The following NLRP2 variants were observed in gnomAD, a reference collection of about 807,000 sequenced individuals.
NLRP2 encodes the protein NLR family pyrin domain containing 2.
In NLRP2, 107 loss-of-function variants were observed where a neutral mutation model predicts 97.2. That is an observed-to-expected ratio of 1.10 (90% CI 0.94 to 1.29). NLRP2 has a LOEUF of 1.29. Among genes scored for constraint, NLRP2 ranks in the 50% most tolerant of loss-of-function variants. The pLI is 0.00. For synonymous variants in NLRP2, 663 were observed against 551.5 expected (o/e 1.20, Z -2.83); for missense variants, 1,495 against 1,330.3 (o/e 1.12, Z -1.93).
intron 10 of NLRP2, 196 bp downstream of exon 10, chr19:54,990,868 A>T (rs916433709): frequency 1.6e-6 from 1 of 633,380 alleles, no homozygotes; most frequent in African/African-American, 1.8e-5. Flanking sequence ...GTAATATTCT[A>T]TAGGGATTTG....
chr19:54,993,965 T>C, intron 10 of NLRP2: 3 of 488,318 alleles, frequency 6.1e-6, no homozygotes, highest in Non-Finnish European at 7.4e-6. Context: ...TGGCTTTGAC[T>C]CTCAGCTCCC....
chr19:54,991,924 A>ATTT (rs199627730), intron 10 of NLRP2, among the ~76,000 whole-genome samples: 7 of 127,296 alleles, frequency 5.5e-5, no homozygotes, highest in African/African-American at 1.8e-4. Flanking sequence ...CATCTCTGGT[A>ATTT]TTTTTTTTTT....
chr19:54,999,382 G>C (rs1386331509), intron 12 of NLRP2, among the ~76,000 whole-genome samples: 1 of 152,082 alleles, frequency 6.6e-6, no homozygotes, highest in Non-Finnish European at 1.5e-5. Context: ...CCTGACTTCA[G>C]GTGACCCGCC....
Position 54,982,233 on chromosome 19 carries a change from A to G in NLRP2, c.535A>G (p.Ser179Gly). 6.2e-7 allele frequency: 1 copy of G among 1,614,158 alleles called. No homozygotes were observed. Among genetic ancestry groups the G allele is most frequent in the Non-Finnish European group, 8.5e-7 (1 of 1,180,028 alleles). The change falls in exon 6 of 13, where the codon AGC becomes GGC. Residue 179 changes from serine (S) to glycine (G), a missense_variant. By Grantham distance (56) the Ser-to-Gly change is moderately conservative. Coordinates refer to ENST00000448584, the MANE Select transcript of NLRP2 (RefSeq NM_017852.5). ...GATGTGGAAGAGCTGGCCTGGAGAT[A>G]GCAAAGAGGTCCAGGTTATGGCTGA... The part of the protein sequence containing the change: ...REMWKSWPGD[S>G]KEVQVMAERY...
intron 1 of NLRP2, 22 bp from the exon 2 acceptor site, chr19:54,969,976 TC>T (rs761795094): frequency 6.2e-6 from 10 of 1,611,124 alleles, no homozygotes; most frequent in Non-Finnish European, 7.6e-6. Context: ...CCCTCTCCAC[TC>T]CTCCCTTGAT....
chr19:54,985,986 A>G (rs549930736), intron 7 of NLRP2, among the ~76,000 whole-genome samples, 165 bp from the exon 8 acceptor site: 1 of 152,228 alleles, frequency 6.6e-6, no homozygotes, highest in East Asian at 1.9e-4. Flanking sequence ...TGGGCAACAG[A>G]GTGAGACTCC....
At chr19:55,000,588 CT>C (rs201324469) in intron 12 of NLRP2, among the ~76,000 whole-genome samples, 171 bp from the exon 13 acceptor site, 66 of 130,470 alleles carry the variant, frequency 5.1e-4, no homozygotes, top group African/African-American at 1.4e-3. Flanking sequence ...CTGAGACTGT[CT>C]TTTAAAAAAA....
At chr19:54,967,602 C>A (rs1489451986) in intron 1 of NLRP2, among the ~76,000 whole-genome samples, 2 of 151,752 alleles carry the variant, frequency 1.3e-5, no homozygotes. Context: ...GCTTTTATTT[C>A]TGTTCTCTTG....
rs138150429 is a variant in NLRP2 at position 54,996,712 on chromosome 19, GTATCTTCAGGGCC to G, written c.2880-603_2880-591del. Among the ~76,000 whole-genome samples, 872 of 152,056 alleles carry G rather than the reference GTATCTTCAGGGCC, an allele frequency of 5.7e-3. 12 individuals carry two copies. Among genetic ancestry groups the G allele is most frequent in the African/African-American group, 0.019 (802 of 41,448 alleles). On this transcript the variant is annotated intron_variant, in intron 11 of 12. Coordinates refer to ENST00000448584, the MANE Select transcript of NLRP2 (RefSeq NM_017852.5). ...GTTCTATTTTACGTGTCAGTCACATGTATCTTCAGGGCCTCTGCACAAGCTATTTCTCTGCCTG... is the reference window on the plus strand; with the variant it reads ...GTTCTATTTTACGTGTCAGTCACATGTCTGCACAAGCTATTTCTCTGCCTG...
At position 54,983,017 on chromosome 19, in the gene NLRP2, G is replaced by A. The variant is rs373284265; in HGVS notation, c.1319G>A (p.Gly440Asp). 9.4e-5 allele frequency: 151 copies of A among 1,610,782 alleles called. 3 individuals carry two copies. Among genetic ancestry groups the A allele is most frequent in the East Asian group, 9.4e-4 (42 of 44,816 alleles). ...TTCCTCTGCAGCCGGTTCCCGCAGG[G>A]CGCACAGCTGCGGGGCGCGCTGCGG... ...LRFLCSRFPQ[G>D]AQLRGALRTL... The change falls in exon 6 of 13, where the codon GGC becomes GAC. Residue 440 changes from glycine to aspartate, a missense_variant. Gly to Asp is a moderately conservative substitution (Grantham distance 94). Transcript: ENST00000448584.
chr19:54,987,865 A>T (rs140961817), intron 8 of NLRP2, among the ~76,000 whole-genome samples: 3,075 of 151,796 alleles, frequency 0.02, 35 homozygotes, highest in Non-Finnish European at 0.029. Flanking sequence ...ACATGGTGAA[A>T]CCCCACGTCT....
Position 54,982,716 on chromosome 19 carries a change from G to T in NLRP2, c.1018G>T (p.Ala340Ser). 4.3e-6 allele frequency: 7 copies of T among 1,614,060 alleles called. No homozygotes were observed. Among genetic ancestry groups the T allele is most frequent in the Non-Finnish European group, 5.9e-6 (7 of 1,179,984 alleles). The stretch of plus-strand genomic sequence containing the variant: ...CCTGCTGGTCACCACGCGGCCCAGG[G>T]CCCTGAGGGACCTCCGGATCCTGGC... ...AALLVTTRPR[A>S]LRDLRILAEE... is the part of the protein sequence containing the mutation. The change falls in exon 6 of 13, where the codon GCC (alanine) becomes TCC (serine). Residue 340 changes from alanine to serine, a missense_variant. Ala to Ser is a moderately conservative substitution (Grantham distance 99, BLOSUM62 1). Transcript: ENST00000448584.
intron 3 of NLRP2, chr19:54,977,100 C>A (rs1337264086): frequency 7.0e-6 from 2 of 286,914 alleles, no homozygotes; most frequent in Non-Finnish European, 1.4e-5. Flanking sequence ...GCATGAGCCA[C>A]CATGCCCGGC....
At chr19:54,992,604 G>A (rs1268931384) in intron 10 of NLRP2, among the ~76,000 whole-genome samples, 1 of 121,310 alleles carries the variant, frequency 8.2e-6, no homozygotes, top group Non-Finnish European at 1.6e-5. Flanking sequence ...TTGCTCTGTC[G>A]CCCAGGCTGG....
At chr19:54,978,159 A>G (rs1035621329) in intron 4 of NLRP2, among the ~76,000 whole-genome samples, 1 of 152,094 alleles carries the variant, frequency 6.6e-6, no homozygotes, top group African/African-American at 2.4e-5. Flanking sequence ...CCCAGGTTCA[A>G]GCGATTCTCC....
At chr19:54,990,213 A>G (rs770090934) in intron 9 of NLRP2, 21 bp downstream of exon 9, 2 of 1,613,486 alleles carry the variant, frequency 1.2e-6, no homozygotes, top group South Asian at 1.1e-5. Flanking sequence ...CCTCTCTTAC[A>G]GAGCAGCTGT....
At chr19:54,988,386 G>A (rs934121024) in intron 8 of NLRP2, among the ~76,000 whole-genome samples, 1 of 152,134 alleles carries the variant, frequency 6.6e-6, no homozygotes, top group Non-Finnish European at 1.5e-5. Flanking sequence ...TCTGCCTCCC[G>A]GGTTCAAGTG....
intron 8 of NLRP2, chr19:54,989,492 A>G (rs2072316013): frequency 5.5e-6 from 1 of 180,978 alleles, no homozygotes; most frequent in Non-Finnish European, 1.2e-5. Context: ...CCAAACAATG[A>G]AACATAGGTT....
rs538631182 is a variant in NLRP2 at position 54,984,526 on chromosome 19, A to T, written c.2031-521A>T. 3.6e-4 allele frequency among the ~76,000 whole-genome samples: 32 copies of T among 87,960 alleles called. No homozygotes were observed. The South Asian group carries it at 8.7e-3, about 24-fold the overall frequency. 57.7% of individuals were successfully genotyped at this position (87,960 alleles called of 152,430 possible). A position where few individuals can be genotyped will look rare whatever the true frequency, so the allele number is the denominator to read the frequency against. On this transcript the variant is annotated intron_variant, in intron 6 of 12. Transcript: ENST00000448584. The stretch of plus-strand genomic sequence containing the variant: ...GAGACGGAGTTTCACTCTTTTTCCC[A>T]GGTCGGAGTGAAGTGGCTCGATCTC...
Sources: allele counts gnomAD v4.1 joint callset (sites outside exome capture counted in the v4.1 genomes callset), GRCh38; gene constraint gnomAD v4.1.1; transcripts MANE v1.5; gene names NCBI Gene and HGNC (gene_info 2026-07-23, HGNC 2026-07-21).